Variants in RIMS2 observed in about 807,000 individuals in gnomAD.
The protein encoded by RIMS2 is regulating synaptic membrane exocytosis 2.
Under a neutral mutation model 174.4 loss-of-function variants are expected in RIMS2, and 59 were observed. The ratio of observed to expected loss-of-function variants is 0.34; its 90% CI spans 0.27 to 0.42. The LOEUF is 0.42. Ranked by LOEUF, RIMS2 falls within the 10% of genes least tolerant of loss-of-function variation. RIMS2 has a pLI of 1.00. For synonymous variants in RIMS2, 606 were observed against 572.5 expected (o/e 1.06, Z -0.84); for missense variants, 1,620 against 1,666.3 (o/e 0.97, Z 0.48).
intron 19 of RIMS2, chr8:104,223,815 A>G (rs1563850529): frequency 6.3e-7 from 1 of 1,585,240 alleles, no homozygotes; most frequent in Admixed American, 1.7e-5. Context: ...CTTCCCCCGT[A>G]GTTGGTGTCT....
chr8:103,721,842 G>A (rs187004666), intron 2 of RIMS2, among the ~76,000 whole-genome samples: 1 of 152,214 alleles, frequency 6.6e-6, no homozygotes, highest in Non-Finnish European at 1.5e-5. Flanking sequence ...ATATAGGGTT[G>A]GTGGATTTGA....
chr8:104,071,386 C>A (rs2097192397), intron 19 of RIMS2, among the ~76,000 whole-genome samples: 1 of 152,086 alleles, frequency 6.6e-6, no homozygotes, highest in Non-Finnish European at 1.5e-5. Flanking sequence ...TTGTCTGGGG[C>A]CCCTTCAGAC....
At chr8:104,242,517 T>G (rs966688431) in intron 19 of RIMS2, among the ~76,000 whole-genome samples, 1 of 152,196 alleles carries the variant, frequency 6.6e-6, no homozygotes, top group Non-Finnish European at 1.5e-5. Flanking sequence ...GATGGTTAAA[T>G]TTCTTTGATA....
chr8:103,780,459 C>A (rs1369869208), intron 3 of RIMS2, among the ~76,000 whole-genome samples: 1 of 152,002 alleles, frequency 6.6e-6, no homozygotes, highest in Non-Finnish European at 1.5e-5. Context: ...CTCCTCTGAT[C>A]GTATTTTCAA....
At chr8:104,079,669 G>A (rs1374846659) in intron 19 of RIMS2, among the ~76,000 whole-genome samples, 2 of 116,872 alleles carry the variant, frequency 1.7e-5, no homozygotes, top group Non-Finnish European at 3.5e-5. Flanking sequence ...GAAAACAACA[G>A]ATAGGTGAAA....
At position 104,108,457 on chromosome 8, in the gene RIMS2, A is replaced by AT. The variant is rs532104686; in HGVS notation, c.3334+93852dup. Among the ~76,000 whole-genome samples the AT allele has an allele frequency of 9.4e-3, 1,395 of 148,396 alleles. 73 individuals carry two copies. Among genetic ancestry groups the AT allele is most frequent in the Admixed American group, 0.081 (1,211 of 14,874 alleles). On this transcript the variant is annotated intron_variant, in intron 19 of 23. Transcript: ENST00000504942. ...CAGGCATGCACCACCACACCTGGCT[A>AT]TTTTTTTTTTAATTTTCATTTCTGT... is the stretch of plus-strand genomic sequence containing the variant.
intron 19 of RIMS2, among the ~76,000 whole-genome samples, chr8:104,120,300 CT>C (rs1210725293): frequency 1.3e-5 from 2 of 152,072 alleles, no homozygotes; most frequent in African/African-American, 4.8e-5. Context: ...ATACTTAATG[CT>C]TTTTATCCAA....
At chr8:104,059,659 G>A (rs1361232743) in intron 19 of RIMS2, among the ~76,000 whole-genome samples, 2 of 146,732 alleles carry the variant, frequency 1.4e-5, no homozygotes, top group Admixed American at 6.9e-5. Flanking sequence ...GTTTTCAAAG[G>A]GAATGCTTCC....
At chr8:103,570,851 A>G (rs1329635446) in intron 1 of RIMS2, among the ~76,000 whole-genome samples, 1 of 152,170 alleles carries the variant, frequency 6.6e-6, no homozygotes, top group African/African-American at 2.4e-5. Flanking sequence ...ATTTCCAGAT[A>G]AAGTTTGCAA....
chr8:103,773,268 C>A (rs1011146603), intron 3 of RIMS2, among the ~76,000 whole-genome samples: 4 of 152,038 alleles, frequency 2.6e-5, no homozygotes, highest in Non-Finnish European at 5.9e-5. Context: ...TTGCTTATTG[C>A]TTAAAATGCA....
At chr8:103,606,194 T>C (rs2095069290) in intron 1 of RIMS2, among the ~76,000 whole-genome samples, 5 of 145,004 alleles carry the variant, frequency 3.4e-5, no homozygotes, top group African/African-American at 1.3e-4. Context: ...GATTCTGGTA[T>C]GTTGTGTCTT....
chr8:104,174,036 T>A (rs1240040459), intron 19 of RIMS2, among the ~76,000 whole-genome samples: 1 of 151,896 alleles, frequency 6.6e-6, no homozygotes, highest in African/African-American at 2.4e-5. Flanking sequence ...AATCTCTGCC[T>A]CCTTGGTTCA....
intron 11 of RIMS2, among the ~76,000 whole-genome samples, chr8:103,928,204 A>G (rs72681375): frequency 0.13 from 19,181 of 151,462 alleles, 1,682 homozygotes; most frequent in Non-Finnish European, 0.19. Flanking sequence ...GAAATAGCTA[A>G]TTTTATGCTG....
chr8:103,834,177 T>C (rs1246719808), intron 3 of RIMS2, among the ~76,000 whole-genome samples: 2 of 151,980 alleles, frequency 1.3e-5, no homozygotes, highest in Non-Finnish European at 2.9e-5. Context: ...TTTAAAAAAT[T>C]TTTTGTAGAG....
intron 4 of RIMS2, among the ~76,000 whole-genome samples, chr8:103,903,522 A>G (rs946737773): frequency 6.6e-6 from 1 of 152,172 alleles, no homozygotes; most frequent in Non-Finnish European, 1.5e-5. Context: ...TTCTCTGTGT[A>G]TAGAACACAC....
At chr8:103,869,963 C>G (rs1320092979) in intron 3 of RIMS2, among the ~76,000 whole-genome samples, 1 of 152,088 alleles carries the variant, frequency 6.6e-6, no homozygotes, top group Admixed American at 6.5e-5. Context: ...GCCTTTATCT[C>G]TGTTCAGACA....
intron 3 of RIMS2, among the ~76,000 whole-genome samples, chr8:103,862,609 A>C (rs1370116262): frequency 6.6e-6 from 1 of 151,930 alleles, no homozygotes; most frequent in Admixed American, 6.6e-5. Flanking sequence ...TGAGCATGGG[A>C]TATTTTCCAT....
chr8:104,238,525 G>A (rs1039719350), intron 19 of RIMS2, among the ~76,000 whole-genome samples: 2 of 151,880 alleles, frequency 1.3e-5, no homozygotes, highest in Admixed American at 6.6e-5. Context: ...CTACCACAGA[G>A]GTTGATGAAG....
At chr8:103,569,191 C>T (rs990102920) in intron 1 of RIMS2, among the ~76,000 whole-genome samples, 1 of 151,922 alleles carries the variant, frequency 6.6e-6, no homozygotes, top group Admixed American at 6.6e-5. Context: ...GGTCTTTAAT[C>T]CCCTTGGAGT....
Sources: allele counts gnomAD v4.1 joint callset (sites outside exome capture counted in the v4.1 genomes callset), GRCh38; gene constraint gnomAD v4.1.1; transcripts MANE v1.5; gene names NCBI Gene and HGNC (gene_info 2026-07-23, HGNC 2026-07-21).